ADCY10: variants seen among roughly 807,000 people sequenced by gnomAD.
ADCY10 encodes the protein adenylate cyclase 10, also known as adenylate cyclase type 10.
Under a neutral mutation model 183.3 loss-of-function variants are expected in ADCY10, and 156 were observed. The observed-to-expected ratio is 0.85, with a 90% CI of 0.75 to 0.97. The LOEUF (loss-of-function observed/expected upper bound fraction) is 0.97, where lower values mean the gene tolerates loss of function less well. Ranked by LOEUF, ADCY10 falls within the 50% of genes least tolerant of loss-of-function variation. ADCY10 has a pLI of 0.00. For missense variants in ADCY10, 1,745 were observed against 1,934.3 expected (o/e 0.90, Z 1.84); for synonymous variants, 645 against 670.0 (o/e 0.96, Z 0.58).
rs760489622 is a variant in ADCY10 at position 167,824,800 on chromosome 1, C to T, written c.3806G>A (p.Gly1269Asp). The T allele has an allele frequency of 1.9e-6, 3 of 1,614,218 alleles. No individual in the cohort carries two copies. Among genetic ancestry groups the T allele is most frequent in the South Asian group, 2.2e-5 (2 of 91,088 alleles). ...SLYHHLAGYK[G>D]VWFKYEVMAM... is the part of the protein sequence containing the mutation. ...CATGACTTCATATTTGAACCACACA[C>T]CTTTGTAGCCAGCCAGGTGGTGGTA... Residue 1269 changes from glycine (G) to aspartate (D), a missense_variant, in exon 27 of 33, where the codon GGT becomes GAT. By Grantham distance (94) the Gly-to-Asp change is moderately conservative. Transcript: ENST00000367851.
chr1:167,884,854 T>G (rs1375475936), intron 8 of ADCY10, among the ~76,000 whole-genome samples: 2 of 152,034 alleles, frequency 1.3e-5, no homozygotes, highest in African/African-American at 4.8e-5. Flanking sequence ...TGCACCACCA[T>G]GCCTGGCTAA....
intron 30 of ADCY10, chr1:167,818,496 ACACT>A: frequency 1.6e-6 from 1 of 626,034 alleles, no homozygotes; most frequent in Non-Finnish European, 3.0e-6. Flanking sequence ...ATCCTTGGAA[ACACT>A]CAGGTAATAT....
intron 6 of ADCY10, among the ~76,000 whole-genome samples, chr1:167,899,063 A>G (rs1271512712): frequency 6.6e-6 from 1 of 152,168 alleles, no homozygotes; most frequent in Non-Finnish European, 1.5e-5. Context: ...GGTGTTGGGT[A>G]AAGAAAGTGA....
intron 5 of ADCY10, among the ~76,000 whole-genome samples, chr1:167,899,853 T>C (rs1266475290): frequency 1.3e-5 from 2 of 152,252 alleles, no homozygotes; most frequent in Non-Finnish European, 2.9e-5. Context: ...ATTTTGCCTG[T>C]CTGTAACATT....
rs182128934 is a variant in ADCY10, at chr1:167,815,075, A to G, written c.4482+2997T>C. Among the ~76,000 whole-genome samples the G allele has an allele frequency of 2.0e-3, 305 of 152,244 alleles. 2 individuals carry two copies. The highest frequency in any genetic ancestry group is 0.011 in the South Asian group (55 of 4,820). ...AGGAGACGGAGGTTGCAGTGAGCCG[A>G]GATCACGCCATTGCACTCCAGCCTG... is the stretch of plus-strand genomic sequence containing the variant. On this transcript the variant is annotated intron_variant, in intron 31 of 32. Coordinates refer to ENST00000367851, the MANE Select transcript of ADCY10 (RefSeq NM_018417.6).
intron 21 of ADCY10, among the ~76,000 whole-genome samples, chr1:167,839,756 A>C (rs779501296): frequency 6.6e-6 from 1 of 152,186 alleles, no homozygotes; most frequent in African/African-American, 2.4e-5. Flanking sequence ...TTGATAATAA[A>C]TGTCTACCAT....
chr1:167,876,383 C>T (rs1371697875), intron 12 of ADCY10, among the ~76,000 whole-genome samples: 2 of 152,034 alleles, frequency 1.3e-5, no homozygotes, highest in Admixed American at 6.5e-5. Flanking sequence ...AGTATCCAAA[C>T]ATAGGCCAGG....
At chr1:167,883,785 T>C (rs770004451) in intron 8 of ADCY10, among the ~76,000 whole-genome samples, 157 bp from the exon 9 acceptor site, 2 of 151,754 alleles carry the variant, frequency 1.3e-5, no homozygotes, top group South Asian at 2.1e-4. Context: ...GTGGAGCAGA[T>C]GGAAATATAA....
chr1:167,869,449 CATATTGTTTT>C (rs1475386598), intron 14 of ADCY10, among the ~76,000 whole-genome samples: 2 of 152,126 alleles, frequency 1.3e-5, no homozygotes, highest in East Asian at 1.9e-4. Flanking sequence ...GAGACCCTCT[CATATTGTTTT>C]ATATTGTTTT....
intron 18 of ADCY10, among the ~76,000 whole-genome samples, chr1:167,848,708 T>C (rs1393806275): frequency 2.6e-5 from 4 of 152,084 alleles, no homozygotes; most frequent in Non-Finnish European, 5.9e-5. Flanking sequence ...TGGAGTGCAG[T>C]GGCGTGATCT....
At chr1:167,863,696 A>G (rs974387966) in intron 14 of ADCY10, among the ~76,000 whole-genome samples, 6 of 152,200 alleles carry the variant, frequency 3.9e-5, no homozygotes, top group African/African-American at 1.4e-4. Context: ...AGTGACGCGG[A>G]TCCTGAGAGC....
rs534160777 is a variant in ADCY10 at position 167,824,477 on chromosome 1, T to C, written c.4051A>G (p.Arg1351Gly). Residue 1351 changes from arginine to glycine, a missense_variant and splice_region_variant, in exon 28 of 33, where the codon AGA becomes GGA. Arg to Gly is a moderately radical substitution (Grantham distance 125). Transcript: ENST00000367851. ...RLSRCLLLNS[R>G]YPQLIQVLGR... ...TGGAAAATGCTTTAAGATAAATACCTGCTGTTCAGAAGGAGACATCTGCTA... is the reference window on the plus strand; with the variant it reads ...TGGAAAATGCTTTAAGATAAATACCCGCTGTTCAGAAGGAGACATCTGCTA... The C allele has an allele frequency of 4.3e-6, 7 of 1,613,836 alleles. No individual in the cohort carries two copies. Among genetic ancestry groups the C allele is most frequent in the African/African-American group, 4.0e-5 (3 of 75,040 alleles).
chr1:167,819,843 G>A (rs937226130), intron 30 of ADCY10: 8 of 701,998 alleles, frequency 1.1e-5, no homozygotes, highest in Non-Finnish European at 2.1e-5. Flanking sequence ...GGGATTACAG[G>A]TGTCAGCCAC....
rs1165118798 is a variant in ADCY10, at chr1:167,809,806, C to G, written c.4705G>C (p.Asp1569His). ...CTCAAGATCGTCTGAAGCCATTGGT[C>G]TTCTTTTAACTCAGAGGTTGAGTAC... The part of the protein sequence containing the change: ...SWYSTSELKE[D>H]QWLQTILSLP... The change falls in exon 33 of 33, where the codon GAC (aspartate) becomes CAC (histidine). Residue 1569 changes from aspartate (D) to histidine (H), a missense_variant. By Grantham distance (81) the Asp-to-His change is moderately conservative. Transcript: ENST00000367851. 1 of 1,614,060 alleles carries G rather than the reference C, an allele frequency of 6.2e-7. No homozygotes were observed.
chr1:167,845,368 T>C, intron 21 of ADCY10, 195 bp downstream of exon 21: 1 of 620,160 alleles, frequency 1.6e-6, no homozygotes, highest in Non-Finnish European at 2.8e-6. Flanking sequence ...TGAGATTGGT[T>C]CGCTAGACTC....
chr1:167,826,814 G>A (rs1663325016), intron 26 of ADCY10, among the ~76,000 whole-genome samples: 1 of 152,072 alleles, frequency 6.6e-6, no homozygotes, highest in Admixed American at 6.6e-5. Context: ...AAAGTGAATG[G>A]GTGGCCATGA....
At chr1:167,837,363 C>G in intron 21 of ADCY10, 45 bp from the exon 22 acceptor site, 2 of 1,515,082 alleles carry the variant, frequency 1.3e-6, no homozygotes, top group Non-Finnish European at 1.8e-6. Flanking sequence ...GAAATGTTCT[C>G]TGCAGTGGAG....
intron 14 of ADCY10, among the ~76,000 whole-genome samples, chr1:167,866,433 A>G (rs1461324675): frequency 6.6e-6 from 1 of 152,032 alleles, no homozygotes; most frequent in Non-Finnish European, 1.5e-5. Context: ...ATCTATTACA[A>G]ACAACAGCAA....
At chr1:167,827,701 T>G (rs573963811) in intron 26 of ADCY10, among the ~76,000 whole-genome samples, 1 of 127,860 alleles carries the variant, frequency 7.8e-6, no homozygotes, top group African/African-American at 3.1e-5. Flanking sequence ...CTAGGCATTT[T>G]AAATTTAAAA....
Sources: allele counts gnomAD v4.1 joint callset (sites outside exome capture counted in the v4.1 genomes callset), GRCh38; gene constraint gnomAD v4.1.1; transcripts MANE v1.5; gene names NCBI Gene and HGNC (gene_info 2026-07-23, HGNC 2026-07-21).